Variants in R3HDM1 observed in about 807,000 individuals in gnomAD.
R3HDM1 encodes the protein R3H domain containing 1.
R3HDM1 carries 46 observed loss-of-function variants against 141.1 expected under a neutral mutation model. The ratio of observed to expected loss-of-function variants is 0.33; its 90% CI spans 0.26 to 0.42. R3HDM1 has a LOEUF of 0.42. Ranked by LOEUF, R3HDM1 falls within the 10% of genes least tolerant of loss-of-function variation. The pLI is 1.00. For synonymous variants in R3HDM1, 435 were observed against 472.9 expected (o/e 0.92, Z 1.04); for missense variants, 1,184 against 1,368.3 (o/e 0.87, Z 2.12).
intron 23 of R3HDM1, among the ~76,000 whole-genome samples, chr2:135,714,956 G>A (rs542806815): frequency 6.6e-5 from 10 of 152,228 alleles, no homozygotes; most frequent in Admixed American, 5.9e-4. Flanking sequence ...CAAAAGTATC[G>A]GCAATATTAT....
intron 1 of R3HDM1, among the ~76,000 whole-genome samples, chr2:135,548,026 C>T (rs1699101151): frequency 6.6e-6 from 1 of 152,132 alleles, no homozygotes; most frequent in Non-Finnish European, 1.5e-5. Flanking sequence ...CCCGCCTTAG[C>T]CTCCTAAAGT....
At chr2:135,545,143 G>T in intron 1 of R3HDM1, among the ~76,000 whole-genome samples, 1 of 152,296 alleles carries the variant, frequency 6.6e-6, no homozygotes, top group East Asian at 1.9e-4. Flanking sequence ...AATTTTGAAT[G>T]TATCTGCAAA....
chr2:135,699,028 TAGATAGATAGATAGATAAGA>T lies in R3HDM1; in HGVS notation c.2460-10404_2460-10385del, dbSNP rs1315168600. On this transcript the variant is annotated intron_variant, in intron 21 of 26. Coordinates refer to ENST00000683871, the MANE Select transcript of R3HDM1 (RefSeq NM_001378107.1). ...ATAGATAGATAGATAGATAGATAGA[TAGATAGATAGATAGATAAGA>T]TAGATAAGATAGATTGATTAGATAG... 2.5e-3 allele frequency among the ~76,000 whole-genome samples: 294 copies of T among 118,514 alleles called. 5 individuals are homozygous for T. Among genetic ancestry groups the T allele is most frequent in the African/African-American group, 8.1e-3 (273 of 33,610 alleles). 77.7% of individuals were successfully genotyped at this position (118,514 alleles called of 152,430 possible). A position where few individuals can be genotyped will look rare whatever the true frequency, so the allele number is the denominator to read the frequency against.
intron 16 of R3HDM1, among the ~76,000 whole-genome samples, chr2:135,645,975 T>G (rs917826820): frequency 6.6e-6 from 1 of 152,202 alleles, no homozygotes; most frequent in Non-Finnish European, 1.5e-5. Flanking sequence ...AAAGCAGTTC[T>G]GAGTTAGAAT....
chr2:135,562,892 A>G (rs537667669), intron 1 of R3HDM1, among the ~76,000 whole-genome samples: 1 of 152,322 alleles, frequency 6.6e-6, no homozygotes, highest in South Asian at 2.1e-4. Context: ...TAAATGGACC[A>G]TTTTATCCTT....
rs187005999 is a variant in R3HDM1, at chr2:135,671,621, G to A, written c.2153-3711G>A. ...TGACGTCAGGTGATCTACCCACCTC[G>A]GCCTCCCAAAGTGCTGGGATTACAG... is the stretch of plus-strand genomic sequence containing the variant. On this transcript the variant is annotated intron_variant, in intron 19 of 26. Coordinates refer to ENST00000683871, the MANE Select transcript of R3HDM1 (RefSeq NM_001378107.1). 3.4e-3 allele frequency among the ~76,000 whole-genome samples: 521 copies of A among 151,562 alleles called. 4 individuals carry two copies. The highest frequency in any genetic ancestry group is 0.012 in the African/African-American group (494 of 41,368).
intron 3 of R3HDM1, among the ~76,000 whole-genome samples, chr2:135,611,255 C>G (rs2060519531): frequency 6.7e-6 from 1 of 148,162 alleles, no homozygotes; most frequent in Non-Finnish European, 1.5e-5. Context: ...ATCCCCATCT[C>G]TACAAAAAAA....
rs1329552691 is a variant in R3HDM1, at chr2:135,675,495, T to C, written c.2307+9T>C. 2 of 1,604,706 alleles carry C rather than the reference T, an allele frequency of 1.2e-6. No homozygotes were observed. The highest frequency in any genetic ancestry group is 1.7e-6 in the Non-Finnish European group (2 of 1,173,626). On this transcript the variant is annotated intron_variant, in intron 20 of 26. Transcript: ENST00000683871. Reference sequence around the variant, plus strand: ...CAGTGCCAACATATCAGGTATATTGTCTCTTTTATGTACTTTGGGTAGAGA... The same window carrying C: ...CAGTGCCAACATATCAGGTATATTGCCTCTTTTATGTACTTTGGGTAGAGA...
intron 3 of R3HDM1, among the ~76,000 whole-genome samples, chr2:135,611,452 G>A (rs895983734): frequency 1.3e-5 from 2 of 152,128 alleles, no homozygotes; most frequent in Non-Finnish European, 2.9e-5. Context: ...CTAGCAAATG[G>A]TAGGTGCTAT....
chr2:135,653,433 T>C (rs1348652886), intron 18 of R3HDM1, among the ~76,000 whole-genome samples: 1 of 152,002 alleles, frequency 6.6e-6, no homozygotes, highest in Non-Finnish European at 1.5e-5. Context: ...TAGAAGTTTT[T>C]AATGCTATAA....
chr2:135,633,632 A>G (rs2062950168), intron 9 of R3HDM1: 1 of 152,156 alleles, frequency 6.6e-6, no homozygotes, highest in Non-Finnish European at 1.5e-5. Flanking sequence ...AGAAGGTTGT[A>G]AATCAGAAAA....
intron 1 of R3HDM1, among the ~76,000 whole-genome samples, chr2:135,571,234 A>G (rs1382634206): frequency 6.6e-6 from 1 of 152,208 alleles, no homozygotes; most frequent in African/African-American, 2.4e-5. Flanking sequence ...ATTTTCACAG[A>G]TGGAAAAAAA....
At chr2:135,638,159 T>A (rs1197710583) in intron 11 of R3HDM1, among the ~76,000 whole-genome samples, 12 of 152,210 alleles carry the variant, frequency 7.9e-5, no homozygotes, top group Non-Finnish European at 5.9e-5. Context: ...AAGACTGTTG[T>A]AATCATACAA....
At position 135,661,372 on chromosome 2, in the gene R3HDM1, C is replaced by T; in HGVS notation, c.2131C>T (p.Pro711Ser). 1 of 1,614,006 alleles carries T rather than the reference C, an allele frequency of 6.2e-7. No individual in the cohort carries two copies. The highest frequency in any genetic ancestry group is 8.5e-7 in the Non-Finnish European group (1 of 1,179,882). Residue 711 changes from proline to serine, a missense_variant, in exon 19 of 27, where the codon CCA (proline) becomes TCA (serine). Pro to Ser is a moderately conservative substitution (Grantham distance 74). This residue lies in a region of R3HDM1 where 563 missense variants were observed against 562.0 expected (regional missense o/e 1.00). Coordinates refer to ENST00000683871, the MANE Select transcript of R3HDM1 (RefSeq NM_001378107.1). ...CAATTCACATCTAAACCAACCACTGCCACAACCTGCGCAGCAGACAGGTGA... is the reference window on the plus strand; with the variant it reads ...CAATTCACATCTAAACCAACCACTGTCACAACCTGCGCAGCAGACAGGTGA... ...HYNSHLNQPLPQPAQQTGYQV... is the reference protein window; with the variant it reads ...HYNSHLNQPLSQPAQQTGYQV...
rs193048199 is a variant in R3HDM1 at position 135,578,836 on chromosome 2, C to T, written c.-249-23664C>T. ...TGTAGATAATGAAAGTCAGACTTCT[C>T]ATTGTTGTATAAAGAAGTTACAGAT... On this transcript the variant is annotated intron_variant, in intron 1 of 26. Coordinates refer to ENST00000683871, the MANE Select transcript of R3HDM1 (RefSeq NM_001378107.1). Among the ~76,000 whole-genome samples, 4 of 152,240 alleles carry T rather than the reference C, an allele frequency of 2.6e-5. 1 individual carries two copies. In the East Asian group the frequency reaches 7.7e-4, roughly 29 times the overall value.
Position 135,724,009 on chromosome 2 carries a change from G to T in R3HDM1, c.3122G>T (p.Gly1041Val), listed in dbSNP as rs771167680. The change falls in exon 27 of 27, where the codon GGG becomes GTG. Residue 1041 changes from glycine (G) to valine (V), a missense_variant. This residue lies in a region of R3HDM1 where 182 missense variants were observed against 252.6 expected (regional missense o/e 0.72). Coordinates refer to ENST00000683871, the MANE Select transcript of R3HDM1 (RefSeq NM_001378107.1). Reference protein sequence around the residue: ...ITRMEAEKLFGELFKIGAKIR... With the variant: ...ITRMEAEKLFVELFKIGAKIR... ...CGCATGGAAGCTGAAAAGCTTTTTG[G>T]GGAACTCTTTAAAATTGGCGCCAAG... is the stretch of plus-strand genomic sequence containing the variant. 6.2e-7 allele frequency: 1 copy of T among 1,613,840 alleles called. No individual in the cohort carries two copies. The highest frequency in any genetic ancestry group is 8.5e-7 in the Non-Finnish European group (1 of 1,179,968).
At chr2:135,587,011 G>T in intron 1 of R3HDM1, 1 of 980,544 alleles carries the variant, frequency 1.0e-6, no homozygotes, top group Non-Finnish European at 1.2e-6. Flanking sequence ...CTACCCTTTT[G>T]GGGGAAGAGG....
Position 135,709,982 on chromosome 2 carries a change from C to T in R3HDM1, c.2564-77C>T, listed in dbSNP as rs574880568. 5.7e-6 allele frequency: 8 copies of T among 1,395,640 alleles called. No individual in the cohort carries two copies. The African/African-American group carries it at 1.0e-4, about 18-fold the overall frequency. The allele number at this position is 1,395,640 out of a possible 1,614,324, so 86.5% of individuals were successfully genotyped here. A position where few individuals can be genotyped will look rare whatever the true frequency, so the allele number is the denominator to read the frequency against. On this transcript the variant is annotated intron_variant, in intron 22 of 26. Coordinates refer to ENST00000683871, the MANE Select transcript of R3HDM1 (RefSeq NM_001378107.1). ...TTTATTCAGAAATGTAAAATTACTA[C>T]TGTTATCCTAGTGTTCAGAAACACC...
intron 23 of R3HDM1, among the ~76,000 whole-genome samples, 193 bp from the exon 24 acceptor site, chr2:135,715,357 G>T (rs2076064749): frequency 1.3e-5 from 2 of 152,004 alleles, no homozygotes; most frequent in Non-Finnish European, 2.9e-5. Context: ...GGGCAACAGA[G>T]TGAGACTCCG....
Sources: gnomAD v4.1 joint callset for allele counts (sites outside exome capture counted in the v4.1 genomes callset) on GRCh38, gnomAD v4.1.1 for gene constraint, gnomAD v4.1.1 regional missense constraint, MANE v1.5 for transcripts, NCBI Gene and HGNC (gene_info 2026-07-23, HGNC 2026-07-21) for gene names.